MMP28: variants seen among roughly 807,000 people sequenced by gnomAD.
MMP28 encodes matrix metallopeptidase 28, also known as matrix metalloproteinase-28.
Under a neutral mutation model 60.5 loss-of-function variants are expected in MMP28, and 55 were observed. The ratio of observed to expected loss-of-function variants is 0.91; its 90% confidence interval spans 0.73 to 1.14. MMP28 has a LOEUF of 1.14. MMP28 is among the 50% of genes most tolerant of loss of function. MMP28 has a pLI of 0.00. For synonymous variants in MMP28, 318 were observed against 312.5 expected (o/e 1.02, Z -0.18); for missense variants, 686 against 738.3 (o/e 0.93, Z 0.82).
chr17:35,787,688 C>T (rs2086691356), intron 1 of MMP28, among the ~76,000 whole-genome samples: 1 of 152,098 alleles, frequency 6.6e-6, no homozygotes, highest in Non-Finnish European at 1.5e-5. Flanking sequence ...GGGGCTTTGC[C>T]ATGCTGGCCA....
At chr17:35,785,211 A>G (rs2086613113) in intron 1 of MMP28, among the ~76,000 whole-genome samples, 1 of 152,086 alleles carries the variant, frequency 6.6e-6, no homozygotes, top group Non-Finnish European at 1.5e-5. Flanking sequence ...TAGCCTATTT[A>G]GTGCCTGAGG....
downstream of MMP28, chr17:35,764,498 T>G (rs2085895536): frequency 6.3e-7 from 1 of 1,586,124 alleles, no homozygotes; most frequent in Non-Finnish European, 8.6e-7. Context: ...GGGGCTGTGC[T>G]TGCTGCGAGC....
In MMP28 at chr17:35,771,009, C is replaced by T. The variant is rs62078169; in HGVS notation, c.605-697G>A. Reference sequence around the variant, plus strand: ...TCAAGGCTGCGGTGAGCTGTGATTGCGCCACTACACTCCAGCCTGGGTGAC... The same window carrying T: ...TCAAGGCTGCGGTGAGCTGTGATTGTGCCACTACACTCCAGCCTGGGTGAC... On this transcript the variant is annotated intron_variant, in intron 4 of 7. Transcript: ENST00000605424. Among the ~76,000 whole-genome samples the T allele has an allele frequency of 1.9e-3, 292 of 152,162 alleles. 1 individual carries two copies. The highest frequency in any genetic ancestry group is 3.3e-3 in the Non-Finnish European group (223 of 68,008).
chr17:35,786,391 A>T lies in MMP28; in HGVS notation c.112-7068T>A, dbSNP rs1171715094. ...CCTTCTTAGACATCCTCCATATCAC[A>T]GAATTTCAGCAGCAGAAATGAAATT... On this transcript the variant is annotated intron_variant, in intron 1 of 7. Coordinates refer to ENST00000605424, the MANE Select transcript of MMP28 (RefSeq NM_024302.5). Among the ~76,000 whole-genome samples, 11 of 152,344 alleles carry T rather than the reference A, an allele frequency of 7.2e-5. No individual in the cohort carries two copies. The East Asian group carries it at 2.1e-3, about 29-fold the overall frequency.
At chr17:35,784,607 G>C (rs1555610087) in intron 1 of MMP28, among the ~76,000 whole-genome samples, 1 of 152,154 alleles carries the variant, frequency 6.6e-6, no homozygotes, top group African/African-American at 2.4e-5. Flanking sequence ...GAAGGAGCAG[G>C]GGTGTGGGGT....
In MMP28 at chr17:35,778,883, C is replaced by A; in HGVS notation, c.379+5G>T. ...TTGGCCTAGCCGGATTTTAACAGTG[C>A]TCACCTTGCTTTGCAAAGCGTTTCT... is the stretch of plus-strand genomic sequence containing the variant. On this transcript the variant is annotated splice_donor_5th_base_variant and intron_variant, in intron 3 of 7. Transcript: ENST00000605424. 6.2e-7 allele frequency: 1 copy of A among 1,614,042 alleles called. No individual in the cohort carries two copies. Among genetic ancestry groups the A allele is most frequent in the Non-Finnish European group, 8.5e-7 (1 of 1,179,902 alleles).
intron 4 of MMP28, among the ~76,000 whole-genome samples, chr17:35,772,159 A>G (rs1001401751): frequency 4.0e-4 from 61 of 152,242 alleles, no homozygotes; most frequent in African/African-American, 1.3e-3. Context: ...CAGCTGTTTC[A>G]AGCATTGTTC....
intron 4 of MMP28, among the ~76,000 whole-genome samples, chr17:35,770,959 G>A (rs996167730): frequency 1.1e-4 from 16 of 152,106 alleles, no homozygotes; most frequent in Admixed American, 9.2e-4. Flanking sequence ...AGCTGAGGTG[G>A]GAGGCTCTCT....
Position 35,774,625 on chromosome 17 carries a change from T to C in MMP28, c.380-1221A>G, listed in dbSNP as rs1041208571. On this transcript the variant is annotated intron_variant, in intron 3 of 7. Transcript: ENST00000605424. ...GCAGAGGAGCTGGACTCTCTTCTCC[T>C]CACCAATGCAAGTGGGGGAGGGGTA... is the stretch of plus-strand genomic sequence containing the variant. Among the ~76,000 whole-genome samples, 8 of 152,192 alleles carry C rather than the reference T, an allele frequency of 5.3e-5. No individual in the cohort carries two copies. In the East Asian group the frequency reaches 1.5e-3, roughly 29 times the overall value.
intron 7 of MMP28, among the ~76,000 whole-genome samples, chr17:35,767,433 C>T (rs1555603892): frequency 6.6e-6 from 1 of 152,196 alleles, no homozygotes; most frequent in East Asian, 1.9e-4. Context: ...AGTTAAGCGA[C>T]ACGTCCAACC....
chr17:35,761,391 A>T (rs2143076572), downstream of MMP28, among the ~76,000 whole-genome samples: 1 of 149,900 alleles, frequency 6.7e-6, no homozygotes, highest in Admixed American at 6.6e-5. Context: ...GATTACAGGC[A>T]TGAGCCACTG....
chr17:35,785,825 C>T (rs1185337507), intron 1 of MMP28, among the ~76,000 whole-genome samples: 4 of 152,154 alleles, frequency 2.6e-5, no homozygotes, highest in African/African-American at 9.7e-5. Context: ...AACTGACTAG[C>T]TGTGTAAGCT....
intron 1 of MMP28, among the ~76,000 whole-genome samples, chr17:35,786,607 G>A (rs559751790): frequency 1.3e-4 from 20 of 150,436 alleles, no homozygotes; most frequent in African/African-American, 3.9e-4. Flanking sequence ...AGTGGCTCAC[G>A]TCTGCAATCC....
At position 35,770,158 on chromosome 17, in the gene MMP28, CGCGG is replaced by C. The variant is rs1555604945; in HGVS notation, c.755_758del (p.Pro252ArgfsTer35). On this transcript the variant is annotated frameshift_variant, in exon 5 of 8. Transcript: ENST00000605424. LOFTEE classifies it high-confidence loss of function. ...AGTAGGGCGCCATGAGCGCGCGCGG[CGCGG>C]GCGAGTGGGTGAGGCCAAGCGTGTG... 6.2e-7 allele frequency: 1 copy of C among 1,607,220 alleles called. No homozygotes were observed. The highest frequency in any genetic ancestry group is 1.1e-5 in the South Asian group (1 of 90,470).
chr17:35,771,750 T>C (rs2086160745), intron 4 of MMP28, among the ~76,000 whole-genome samples: 3 of 99,330 alleles, frequency 3.0e-5, no homozygotes, highest in South Asian at 6.5e-4. Flanking sequence ...TATATATATA[T>C]ATATAAAATT....
intron 3 of MMP28, 46 bp from the exon 4 acceptor site, chr17:35,773,450 G>A (rs1321071879): frequency 2.4e-5 from 36 of 1,509,004 alleles, no homozygotes; most frequent in Non-Finnish European, 3.1e-5. Context: ...TGCAGAGCCC[G>A]AGTCTGGTCC....
At chr17:35,762,539 A>C (rs2085841139), downstream of MMP28, among the ~76,000 whole-genome samples, 1 of 152,092 alleles carries the variant, frequency 6.6e-6, no homozygotes, top group African/African-American at 2.4e-5. Context: ...GAACAAAGGC[A>C]CCAGCAAGAG....
At chr17:35,793,871 G>A (rs1470938368) in intron 1 of MMP28, among the ~76,000 whole-genome samples, 1 of 152,198 alleles carries the variant, frequency 6.6e-6, no homozygotes, top group African/African-American at 2.4e-5. Context: ...GCCAAGGCAG[G>A]CGGATCACTT....
chr17:35,763,465 C>A (rs1264140938), downstream of MMP28, among the ~76,000 whole-genome samples: 5 of 110,552 alleles, frequency 4.5e-5, no homozygotes, highest in Non-Finnish European at 3.7e-5. Flanking sequence ...TTTTTTGGAG[C>A]GAAATAAAAA....
Sources: gnomAD v4.1 joint callset for allele counts (sites outside exome capture counted in the v4.1 genomes callset) on GRCh38, gnomAD v4.1.1 for gene constraint, MANE v1.5 for transcripts, NCBI Gene and HGNC (gene_info 2026-07-23, HGNC 2026-07-21) for gene names.